The following TASP1 variants were observed in gnomAD, a reference collection of about 807,000 sequenced individuals.
The protein encoded by TASP1 is threonine aspartase 1.
A neutral mutation model predicts 56.6 loss-of-function variants in TASP1; 16 were observed. The ratio of observed to expected loss-of-function variants is 0.28; its 90% confidence interval spans 0.19 to 0.43. The LOEUF is 0.43. Ranked by LOEUF, TASP1 falls within the 20% of genes least tolerant of loss-of-function variation. TASP1 has a pLI of 1.00. For synonymous variants in TASP1, 179 were observed against 184.2 expected, an observed-to-expected ratio of 0.97 and a Z score of 0.23; for missense variants, 393 against 511.6, an observed-to-expected ratio of 0.77 and a Z score of 2.24.
intron 10 of TASP1, among the ~76,000 whole-genome samples, chr20:13,494,402 T>G (rs2043646804): frequency 6.6e-6 from 1 of 152,182 alleles, no homozygotes; most frequent in South Asian, 2.1e-4. Context: ...GCAGATGACT[T>G]GAGAAAACCC....
the TASP1 span, among the ~76,000 whole-genome samples, chr20:13,182,603 G>A: frequency 3.0e-4 from 45 of 152,262 alleles, no homozygotes; most frequent in African/African-American, 1.1e-3. Context: ...TATGATTGGT[G>A]AAATCCAATG....
At chr20:13,326,409 AGTATAT>A in the TASP1 span, among the ~76,000 whole-genome samples, 1 of 152,170 alleles carries the variant, frequency 6.6e-6, no homozygotes, top group African/African-American at 2.4e-5. Flanking sequence ...CAATTTAGTA[AGTATAT>A]GTATATATTC....
At chr20:13,556,697 C>A (rs2046169370) in intron 8 of TASP1, among the ~76,000 whole-genome samples, 2 of 152,192 alleles carry the variant, frequency 1.3e-5, no homozygotes, top group Admixed American at 1.3e-4. Context: ...CAAACTCCCA[C>A]AGGGCCTCTG....
At chr20:13,380,039 TTTG>T in the TASP1 span, among the ~76,000 whole-genome samples, 1 of 152,114 alleles carries the variant, frequency 6.6e-6, no homozygotes, top group African/African-American at 2.4e-5. Flanking sequence ...CTTGGAGGAG[TTTG>T]TTATTACCCA....
At chr20:13,301,971 G>A in the TASP1 span, among the ~76,000 whole-genome samples, 1 of 152,220 alleles carries the variant, frequency 6.6e-6, no homozygotes, top group Non-Finnish European at 1.5e-5. Context: ...AAAAGAGCAA[G>A]GGGAAGTGGG....
chr20:13,181,509 C>T, the TASP1 span, among the ~76,000 whole-genome samples: 554 of 152,300 alleles, frequency 3.6e-3, 7 homozygotes, highest in African/African-American at 0.012. Flanking sequence ...ATAGGAGTCA[C>T]GAGAGCTTGC....
chr20:13,164,295 C>T, the TASP1 span: 3 of 467,672 alleles, frequency 6.4e-6, no homozygotes, highest in Non-Finnish European at 4.4e-6. Flanking sequence ...CCTGGGGTAG[C>T]ATGAGAGGAC....
chr20:13,223,162 A>AAAAAAT, the TASP1 span, among the ~76,000 whole-genome samples: 23 of 145,988 alleles, frequency 1.6e-4, no homozygotes, highest in African/African-American at 6.0e-4. Context: ...GTCTCAAAAA[A>AAAAAAT]AAAATAAAAT....
chr20:13,431,539 C>T (rs1600769776), intron 12 of TASP1, among the ~76,000 whole-genome samples: 1 of 152,104 alleles, frequency 6.6e-6, no homozygotes, highest in East Asian at 1.9e-4. Flanking sequence ...GAGATAAGTA[C>T]AGATATAAGA....
the TASP1 span, among the ~76,000 whole-genome samples, chr20:13,183,344 C>A: frequency 6.6e-6 from 1 of 152,172 alleles, no homozygotes; most frequent in African/African-American, 2.4e-5. Flanking sequence ...GATCTGCAGC[C>A]AACTTACAGA....
chr20:13,465,594 C>T (rs571364499), intron 11 of TASP1, among the ~76,000 whole-genome samples: 83 of 152,044 alleles, frequency 5.5e-4, no homozygotes, highest in African/African-American at 1.8e-3. Flanking sequence ...AGATGTACTT[C>T]AGTGAGTAAA....
At chr20:13,522,490 G>A (rs1026929265) in intron 10 of TASP1, among the ~76,000 whole-genome samples, 1 of 152,148 alleles carries the variant, frequency 6.6e-6, no homozygotes, top group Non-Finnish European at 1.5e-5. Context: ...AGATAGAAAA[G>A]AGGGTCAAGG....
At chr20:13,380,811 G>T in the TASP1 span, among the ~76,000 whole-genome samples, 1 of 152,290 alleles carries the variant, frequency 6.6e-6, no homozygotes, top group Non-Finnish European at 1.5e-5. Flanking sequence ...TTTGGCTACA[G>T]CAGCTTTGCA....
At chr20:13,233,082 C>T in the TASP1 span, among the ~76,000 whole-genome samples, 23,927 of 151,962 alleles carry the variant, frequency 0.16, 1,996 homozygotes, top group East Asian at 0.24. Flanking sequence ...CTACTTCTCC[C>T]GTGTCCTGCT....
At chr20:13,620,265 TACACACACACACACAC>T (rs757563847) in intron 4 of TASP1, among the ~76,000 whole-genome samples, 2 of 145,770 alleles carry the variant, frequency 1.4e-5, no homozygotes, top group South Asian at 2.2e-4. Flanking sequence ...CTGTGGTATT[TACACACACACACACAC>T]ACACACACAC....
chr20:13,215,514 G>A, the TASP1 span, among the ~76,000 whole-genome samples: 1 of 152,212 alleles, frequency 6.6e-6, no homozygotes, highest in Non-Finnish European at 1.5e-5. Context: ...GCTATTTGCA[G>A]AAGAGGTCAC....
the TASP1 span, among the ~76,000 whole-genome samples, chr20:13,246,112 C>T: frequency 1.3e-5 from 2 of 151,280 alleles, no homozygotes; most frequent in African/African-American, 4.9e-5. Flanking sequence ...ACTGAAAATA[C>T]ACAAAAAAGA....
the TASP1 span, among the ~76,000 whole-genome samples, chr20:13,349,404 T>G: frequency 6.6e-6 from 1 of 152,232 alleles, no homozygotes; most frequent in South Asian, 2.1e-4. Flanking sequence ...TTTATTTTGA[T>G]TTTAGAATAA....
At chr20:13,418,007 G>A (rs1464628952) in intron 12 of TASP1, among the ~76,000 whole-genome samples, 1 of 152,212 alleles carries the variant, frequency 6.6e-6, no homozygotes, top group Non-Finnish European at 1.5e-5. Context: ...CTGCCTCGCA[G>A]GTTCAAGTGA....
Sources: allele counts gnomAD v4.1 joint callset (sites outside exome capture counted in the v4.1 genomes callset), GRCh38; gene constraint gnomAD v4.1.1; transcripts MANE v1.5; gene names NCBI Gene and HGNC (gene_info 2026-07-23, HGNC 2026-07-21).